PRPS2: variants seen among roughly 807,000 people sequenced by gnomAD.
PRPS2 encodes the protein phosphoribosyl pyrophosphate synthetase 2, also known as ribose-phosphate pyrophosphokinase 2.
For synonymous variants in PRPS2, 111 were observed against 115.3 expected (o/e 0.96, Z 0.24); for missense variants, 104 against 271.5 (o/e 0.38, Z 4.34).
intron 2 of PRPS2, among the ~76,000 whole-genome samples, chrX:12,803,661 C>T (rs2042580364): frequency 8.9e-6 from 1 of 112,291 alleles, no homozygotes; most frequent in South Asian, 3.7e-4. Context: ...ATAATCTCCC[C>T]ATCTCAGGAT....
chrX:12,808,164 A>G (rs2042603746), intron 2 of PRPS2, among the ~76,000 whole-genome samples: 1 of 111,166 alleles, frequency 9.0e-6, no homozygotes, highest in East Asian at 2.8e-4. Flanking sequence ...ACCGCGCCCC[A>G]TATATACCTA....
chrX:12,821,525 G>C (rs975214544), intron 6 of PRPS2, among the ~76,000 whole-genome samples: 2 of 111,367 alleles, frequency 1.8e-5, no homozygotes. Context: ...AAACAGTTTG[G>C]AAATAAACAA....
At chrX:12,805,191 G>A (rs771860437) in intron 2 of PRPS2, among the ~76,000 whole-genome samples, 1 of 112,326 alleles carries the variant, frequency 8.9e-6, no homozygotes, top group Non-Finnish European at 1.9e-5. Flanking sequence ...TAATGATGAT[G>A]TAATATTAAT....
At chrX:12,791,793 C>A (rs2042520351) in intron 1 of PRPS2, among the ~76,000 whole-genome samples, 174 bp downstream of exon 1, 1 of 110,640 alleles carries the variant, frequency 9.0e-6, no homozygotes, top group Non-Finnish European at 1.9e-5. Flanking sequence ...GCGAAGAAAC[C>A]GAGGCGGGGC....
intron 1 of PRPS2, among the ~76,000 whole-genome samples, chrX:12,797,066 A>T (rs1425402482): frequency 3.6e-5 from 4 of 110,414 alleles, no homozygotes; most frequent in African/African-American, 1.3e-4. Flanking sequence ...TTACATGCTC[A>T]AAAAATACTG....
At chrX:12,821,518 C>G (rs1396915096) in intron 6 of PRPS2, among the ~76,000 whole-genome samples, 1 of 111,123 alleles carries the variant, frequency 9.0e-6, no homozygotes, top group Non-Finnish European at 1.9e-5. Context: ...ATGATGAAAA[C>G]AGTTTGGAAA....
intron 2 of PRPS2, among the ~76,000 whole-genome samples, chrX:12,803,724 G>C (rs1351783041): frequency 1.8e-5 from 2 of 112,499 alleles, no homozygotes; most frequent in South Asian, 7.3e-4. Context: ...AACATTTACA[G>C]GTTCCAAGGA....
At chrX:12,808,984 G>A (rs1414795977) in intron 2 of PRPS2, among the ~76,000 whole-genome samples, 1 of 112,132 alleles carries the variant, frequency 8.9e-6, no homozygotes, top group African/African-American at 3.2e-5. Context: ...ATGTTTAACT[G>A]TTTGCTTCTT....
intron 4 of PRPS2, among the ~76,000 whole-genome samples, chrX:12,817,577 G>A (rs909044744): frequency 2.1e-4 from 23 of 110,159 alleles, no homozygotes; most frequent in Non-Finnish European, 4.2e-4. Flanking sequence ...CTTGAAGACA[G>A]GGACTCAAAC....
intron 4 of PRPS2, among the ~76,000 whole-genome samples, chrX:12,813,247 A>G (rs992744792): frequency 1.8e-5 from 2 of 112,302 alleles, no homozygotes; most frequent in African/African-American, 6.5e-5. Context: ...TATCTTAACA[A>G]TGATTCCATA....
At chrX:12,801,252 GTA>G (rs1297477830) in intron 2 of PRPS2, among the ~76,000 whole-genome samples, 7 of 102,667 alleles carry the variant, frequency 6.8e-5, no homozygotes, top group Admixed American at 3.1e-4. Flanking sequence ...GTGTGTGTGT[GTA>G]TGTGTGTGTG....
At chrX:12,805,690 C>CTG (rs1033213645) in intron 2 of PRPS2, among the ~76,000 whole-genome samples, 1 of 112,234 alleles carries the variant, frequency 8.9e-6, no homozygotes, top group Non-Finnish European at 1.9e-5. Context: ...CAAAAACAGG[C>CTG]TGTGGGCTAA....
At chrX:12,796,857 T>C (rs2042546734) in intron 1 of PRPS2, among the ~76,000 whole-genome samples, 1 of 96,093 alleles carries the variant, frequency 1.0e-5, no homozygotes, top group Non-Finnish European at 2.1e-5. Flanking sequence ...TTCAGATTTT[T>C]TTTTTTTTTT....
At chrX:12,794,868 CAA>C (rs2042536140) in intron 1 of PRPS2, among the ~76,000 whole-genome samples, 1 of 111,743 alleles carries the variant, frequency 8.9e-6, no homozygotes, top group South Asian at 3.8e-4. Context: ...CAGGAGTTGG[CAA>C]AGTTTTTCTG....
At chrX:12,812,204 T>C (rs764872555) in intron 4 of PRPS2, among the ~76,000 whole-genome samples, 24 of 112,277 alleles carry the variant, frequency 2.1e-4, no homozygotes, top group Non-Finnish European at 1.3e-4. Context: ...ACATGGAATC[T>C]GCATTCAAAT....
chrX:12,801,254 A>ATG (rs2042569010), intron 2 of PRPS2, among the ~76,000 whole-genome samples: 3 of 53,634 alleles, frequency 5.6e-5, no homozygotes, highest in South Asian at 1.2e-3. Context: ...GTGTGTGTGT[A>ATG]TGTGTGTGTG....
chrX:12,821,043 T>C (rs1469104022), intron 6 of PRPS2, among the ~76,000 whole-genome samples: 1 of 112,076 alleles, frequency 8.9e-6, no homozygotes, highest in African/African-American at 3.2e-5. Flanking sequence ...GGAAAAACAG[T>C]CAGAAACGGG....
chrX:12,807,296 CAAGG>C (rs2042598564), intron 2 of PRPS2, among the ~76,000 whole-genome samples: 1 of 111,883 alleles, frequency 8.9e-6, no homozygotes, highest in Admixed American at 9.5e-5. Context: ...ATCCCGCTCT[CAAGG>C]GAGCAGCCCT....
At chrX:12,792,901 C>CT (rs754725502) in intron 1 of PRPS2, among the ~76,000 whole-genome samples, 1 of 112,323 alleles carries the variant, frequency 8.9e-6, no homozygotes, top group Non-Finnish European at 1.9e-5. Context: ...GGCAAGTCAG[C>CT]TTTTTAGGAT....
Sources: allele counts gnomAD v4.1 joint callset (sites outside exome capture counted in the v4.1 genomes callset), GRCh38; gene constraint gnomAD v4.1.1; transcripts MANE v1.5; gene names NCBI Gene and HGNC (gene_info 2026-07-23, HGNC 2026-07-21).